VASP: variants seen among roughly 807,000 people sequenced by gnomAD.
VASP encodes the protein vasodilator stimulated phosphoprotein, also known as vasodilator-stimulated phosphoprotein.
A neutral mutation model predicts 54.4 loss-of-function variants in VASP; 27 were observed. The ratio of observed to expected loss-of-function variants is 0.50; its 90% CI spans 0.37 to 0.68. The LOEUF (loss-of-function observed/expected upper bound fraction) is 0.68. Ranked by LOEUF, VASP falls within the 30% of genes least tolerant of loss-of-function variation. VASP has a pLI of 0.00. For synonymous variants in VASP, 233 were observed against 209.8 expected, an observed-to-expected ratio of 1.11 and a Z score of -0.96; for missense variants, 488 against 528.3, an observed-to-expected ratio of 0.92 and a Z score of 0.75.
Position 45,522,778 on chromosome 19 carries a change from G to T in VASP, c.781G>T (p.Gly261Trp), listed in dbSNP as rs1394930282. 2.5e-6 allele frequency: 4 copies of T among 1,602,564 alleles called. No homozygotes were observed. Among genetic ancestry groups the T allele is most frequent in the Non-Finnish European group, 2.5e-6 (3 of 1,176,752 alleles). ...PKAESGRSGG[G>W]GLMEEMNAML... is the part of the protein sequence containing the mutation. ...AGCTGAGAGTGGTCGAAGCGGAGGT[G>T]GGGGACTCATGGAAGAGATGAACGC... The change falls in exon 7 of 13, where the codon GGG becomes TGG. Residue 261 changes from glycine to tryptophan, a missense_variant. This residue lies in a region of VASP where 9 missense variants were observed against 26.9 expected (regional missense o/e 0.33). Coordinates refer to ENST00000245932, the MANE Select transcript of VASP (RefSeq NM_003370.4).
At chr19:45,510,891 C>A in intron 1 of VASP, among the ~76,000 whole-genome samples, 1 of 149,808 alleles carries the variant, frequency 6.7e-6, no homozygotes, top group South Asian at 2.1e-4. Flanking sequence ...CATATTCTTG[C>A]CACTGCACTC....
rs1275387354 is a variant in VASP at position 45,517,331 on chromosome 19, C to G, written c.6-332C>G. Among the ~76,000 whole-genome samples, 7 of 151,944 alleles carry G rather than the reference C, an allele frequency of 4.6e-5. No homozygotes were observed. The East Asian group carries it at 1.4e-3, about 29-fold the overall frequency. ...TCTGTGTCTGCCTCTTCCTCCAGGT[C>G]CCCTGTCTGCCCATCCTTTTTCCCC... On this transcript the variant is annotated intron_variant, in intron 1 of 12. Transcript: ENST00000245932.
Position 45,526,381 on chromosome 19 carries a change from C to CCA in VASP, c.*204_*205insCA. 3.4e-6 allele frequency: 2 copies of CCA among 592,928 alleles called. No homozygotes were observed. The highest frequency in any genetic ancestry group is 5.6e-6 in the Non-Finnish European group (2 of 358,268). The allele number at this position is 592,928 out of a possible 1,614,324, so 36.7% of individuals were successfully genotyped here. A position where few individuals can be genotyped will look rare whatever the true frequency, so the allele number is the denominator to read the frequency against. On this transcript the variant is annotated 3_prime_UTR_variant, in exon 13 of 13. Transcript: ENST00000245932. The stretch of plus-strand genomic sequence containing the variant: ...GCTGCTGATTGGCTGGGGAGGCCCC[C>CCA]GCCCTTTTCTCCCTTTGGTCCTTCC...
At chr19:45,524,408 A>G in intron 10 of VASP, 162 bp from the exon 11 acceptor site, 1 of 741,642 alleles carries the variant, frequency 1.3e-6, no homozygotes, top group Non-Finnish European at 2.2e-6. Context: ...AAAACAAAAC[A>G]CAACAAACCA....
intron 1 of VASP, among the ~76,000 whole-genome samples, chr19:45,515,142 T>C (rs1968676977): frequency 6.6e-6 from 1 of 152,132 alleles, no homozygotes; most frequent in African/African-American, 2.4e-5. Flanking sequence ...TGAGTCTGCC[T>C]AGGGACTTTC....
intron 7 of VASP, 122 bp downstream of exon 7, chr19:45,522,940 A>G: frequency 9.5e-7 from 1 of 1,055,584 alleles, no homozygotes. Flanking sequence ...TTTGATAACC[A>G]GGTTTGGGAT....
At position 45,518,073 on chromosome 19, in the gene VASP, A is replaced by T; in HGVS notation, c.322A>T (p.Ser108Cys). The T allele has an allele frequency of 6.2e-7, 1 of 1,613,632 alleles. No homozygotes were observed. ...GGCCCAGTTTGCCGCCGGCATGGCC[A>T]GTGCCCTAGAGGCGTTGGAAGGTCA... ...DAAQFAAGMASALEALEGGGP... is the reference protein window; with the variant it reads ...DAAQFAAGMACALEALEGGGP... The change falls in exon 3 of 13, where the codon AGT (serine) becomes TGT (cysteine). Residue 108 changes from serine to cysteine, a missense_variant. Ser to Cys is a moderately radical substitution (Grantham distance 112). Around this residue, in one of 4 missense-constraint regions of VASP, gnomAD observed 127 missense variants for 170.7 expected, o/e 0.74. Transcript: ENST00000245932.
intron 3 of VASP, among the ~76,000 whole-genome samples, chr19:45,519,887 G>A (rs1299510953): frequency 1.7e-5 from 2 of 117,758 alleles, no homozygotes; most frequent in African/African-American, 6.9e-5. Flanking sequence ...GAGCCACTGC[G>A]CCCGGCCTTT....
intron 1 of VASP, among the ~76,000 whole-genome samples, chr19:45,510,039 C>CA (rs1193028378): frequency 6.6e-6 from 1 of 152,138 alleles, no homozygotes; most frequent in Non-Finnish European, 1.5e-5. Context: ...GCTGGGAAGA[C>CA]AGAGAAGCGA....
Position 45,507,687 on chromosome 19 carries a change from G to GCCAGCCCCGAAC in VASP, c.-82_-71dup, listed in dbSNP as rs1968513776. 2 of 1,497,872 alleles carry GCCAGCCCCGAAC rather than the reference G, an allele frequency of 1.3e-6. No homozygotes were observed. The highest frequency in any genetic ancestry group is 1.8e-6 in the Non-Finnish European group (2 of 1,124,056). 92.8% of individuals were successfully genotyped at this position (1,497,872 alleles called of 1,614,324 possible). ...TGGGGGAGCCTGAGCCGAGCCCGGA[G>GCCAGCCCCGAAC]CCAGCCCCGAACCCCTGAACCTCCA... On this transcript the variant is annotated 5_prime_UTR_variant, in exon 1 of 13. Coordinates refer to ENST00000245932, the MANE Select transcript of VASP (RefSeq NM_003370.4). This position sits in a 1 kb window ranked among gnomAD's most constrained non-coding sequence, Gnocchi z 4.4.
Position 45,525,929 on chromosome 19 carries a change from T to C in VASP, c.1048-17T>C, listed in dbSNP as rs56216986. 0.095 allele frequency: 153,335 copies of C among 1,611,234 alleles called. 7,815 individuals carry two copies. The highest frequency in any genetic ancestry group is 0.14 in the South Asian group (12,579 of 90,714). ...CCCGGTACCCCCTCCTGATTAGTTTTACCCCATTAATTTTAGGAGCTTCTG... is the reference window on the plus strand; with the variant it reads ...CCCGGTACCCCCTCCTGATTAGTTTCACCCCATTAATTTTAGGAGCTTCTG... On this transcript the variant is annotated splice_polypyrimidine_tract_variant and intron_variant, in intron 11 of 12. Transcript: ENST00000245932.
At chr19:45,516,270 C>T (rs1301218119) in intron 1 of VASP, among the ~76,000 whole-genome samples, 1 of 152,210 alleles carries the variant, frequency 6.6e-6, no homozygotes, top group African/African-American at 2.4e-5. Context: ...TCCCCAGCCC[C>T]ACCCAATATA....
Position 45,526,382 on chromosome 19 carries a change from G to A in VASP, c.*205G>A, listed in dbSNP as rs1968970745. On this transcript the variant is annotated 3_prime_UTR_variant, in exon 13 of 13. Coordinates refer to ENST00000245932, the MANE Select transcript of VASP (RefSeq NM_003370.4). ...CTGCTGATTGGCTGGGGAGGCCCCC[G>A]CCCTTTTCTCCCTTTGGTCCTTCCC... 1.7e-6 allele frequency: 1 copy of A among 590,634 alleles called. No homozygotes were observed. The highest frequency in any genetic ancestry group is 2.6e-5 in the South Asian group (1 of 39,032). 36.6% of individuals were successfully genotyped at this position (590,634 alleles called of 1,614,324 possible).
intron 1 of VASP, among the ~76,000 whole-genome samples, chr19:45,513,492 G>GA (rs1968642826): frequency 1.1e-5 from 1 of 91,450 alleles, no homozygotes; most frequent in Admixed American, 1.6e-4. Flanking sequence ...TTTTTTTTGA[G>GA]ACAGAGTCTC....
In VASP at chr19:45,526,289, G is replaced by T. The variant is rs1470074025; in HGVS notation, c.*112G>T. On this transcript the variant is annotated 3_prime_UTR_variant, in exon 13 of 13. Transcript: ENST00000245932. ...GCTGAAGACTACACAGGAATGCATCGTTCCCACTCCCCATCCCACTTGGAA... is the reference window on the plus strand; with the variant it reads ...GCTGAAGACTACACAGGAATGCATCTTTCCCACTCCCCATCCCACTTGGAA... 1.1e-5 allele frequency: 14 copies of T among 1,290,926 alleles called. No individual in the cohort carries two copies. Among genetic ancestry groups the T allele is most frequent in the Admixed American group, 8.7e-5 (3 of 34,434 alleles). 80.0% of individuals were successfully genotyped at this position (1,290,926 alleles called of 1,614,324 possible). A position where few individuals can be genotyped will look rare whatever the true frequency, so the allele number is the denominator to read the frequency against.
At chr19:45,518,746 C>A (rs1158542772) in intron 3 of VASP, among the ~76,000 whole-genome samples, 1 of 152,176 alleles carries the variant, frequency 6.6e-6, no homozygotes, top group Non-Finnish European at 1.5e-5. Context: ...CTCTCTGCAG[C>A]CTTCACCTCC....
At position 45,521,341 on chromosome 19, in the gene VASP, C is replaced by G; in HGVS notation, c.363C>G (p.Pro121=). 3.8e-6 allele frequency: 6 copies of G among 1,580,646 alleles called. No individual in the cohort carries two copies. Among genetic ancestry groups the G allele is most frequent in the Non-Finnish European group, 5.2e-6 (6 of 1,163,374 alleles). ...TTTCAGGAGGTGGGCCCCCTCCACC[C>G]CCAGCACTTCCCACCTGGTCGGTCC... The part of the protein sequence containing the change: ...EALEGGGPPP[P]PALPTWSVPN... Residue 121 remains proline, a synonymous_variant, in exon 4 of 13, where the codon CCC becomes CCG. Coordinates refer to ENST00000245932, the MANE Select transcript of VASP (RefSeq NM_003370.4).
chr19:45,524,728 C>A, intron 11 of VASP, 68 bp downstream of exon 11: 3 of 1,439,920 alleles, frequency 2.1e-6, no homozygotes, highest in Non-Finnish European at 2.9e-6. Flanking sequence ...CACTGGCATG[C>A]CGTATGATCC....
chr19:45,525,651 T>G, intron 11 of VASP: 1 of 228,672 alleles, frequency 4.4e-6, no homozygotes, highest in Middle Eastern at 1.6e-3. Context: ...TCAGCCGAGA[T>G]TGGGCCACTG....
Sources: gnomAD v4.1 joint callset for allele counts (sites outside exome capture counted in the v4.1 genomes callset) on GRCh38, gnomAD v4.1.1 for gene constraint, gnomAD v4.1.1 regional missense constraint, Gnocchi (gnomAD v3.1) non-coding constraint, MANE v1.5 for transcripts, NCBI Gene and HGNC (gene_info 2026-07-23, HGNC 2026-07-21) for gene names.